B4GALT6: variants seen among roughly 807,000 people sequenced by gnomAD.
B4GALT6 encodes beta-1,4-galactosyltransferase 6, also known as UDP-Gal:beta-GlcNAc beta-1,4-galactosyltransferase 6.
A neutral mutation model predicts 46.3 loss-of-function variants in B4GALT6; 14 were observed. The ratio of observed to expected loss-of-function variants is 0.30; its 90% CI spans 0.20 to 0.47. B4GALT6 has a LOEUF of 0.47. Ranked by LOEUF, B4GALT6 falls within the 20% of genes least tolerant of loss-of-function variation. The probability of loss-of-function intolerance (pLI) is 0.99; values close to 1 mark genes in which losing one functional copy is unlikely to be tolerated. For missense variants in B4GALT6, 386 were observed against 480.1 expected (o/e 0.80, Z 1.83); for synonymous variants, 168 against 162.0 (o/e 1.04, Z -0.28).
the B4GALT6 span, among the ~76,000 whole-genome samples, chr18:31,716,829 G>A: frequency 6.6e-6 from 1 of 152,194 alleles, no homozygotes; most frequent in Non-Finnish European, 1.5e-5. Context: ...TAGGCCGGGT[G>A]CCACTCACGC....
the B4GALT6 span, among the ~76,000 whole-genome samples, chr18:31,702,687 A>G: frequency 4.6e-5 from 7 of 152,352 alleles, no homozygotes; most frequent in Admixed American, 1.3e-4. Flanking sequence ...AAGGAAAGGC[A>G]CAAATACCAT....
intron 2 of B4GALT6, 57 bp from the exon 3 acceptor site, chr18:31,658,146 T>G: frequency 2.5e-6 from 3 of 1,219,332 alleles, no homozygotes; most frequent in Non-Finnish European, 3.6e-6. Context: ...GCTTTCTCCC[T>G]GGAATGAAAT....
rs757685148 is a variant in B4GALT6 at position 31,625,048 on chromosome 18, C to T, written c.*566G>A. On this transcript the variant is annotated 3_prime_UTR_variant, in exon 9 of 9. Transcript: ENST00000306851. The stretch of plus-strand genomic sequence containing the variant: ...CCACACAAAAGGCTGAGGTCTAAAG[C>T]TCAAAACTAGTATAACAGTTTACTG... 5.2e-5 allele frequency: 8 copies of T among 152,604 alleles called. No homozygotes were observed. Among genetic ancestry groups the T allele is most frequent in the Admixed American group, 2.0e-4 (3 of 15,268 alleles). 9.5% of individuals were successfully genotyped at this position (152,604 alleles called of 1,614,324 possible). A position where few individuals can be genotyped will look rare whatever the true frequency, so the allele number is the denominator to read the frequency against.
the B4GALT6 span, among the ~76,000 whole-genome samples, chr18:31,695,803 C>T: frequency 6.6e-6 from 1 of 152,210 alleles, no homozygotes; most frequent in South Asian, 2.1e-4. Context: ...AGTGAGAAAA[C>T]TTTCACAGGC....
At chr18:31,664,598 A>C (rs2144677788) in intron 2 of B4GALT6, among the ~76,000 whole-genome samples, 1 of 150,480 alleles carries the variant, frequency 6.6e-6, no homozygotes, top group East Asian at 2.0e-4. Context: ...CATTCCTCCT[A>C]ATCAAGCTCA....
chr18:31,664,530 T>C (rs78524659), intron 2 of B4GALT6, among the ~76,000 whole-genome samples: 1 of 83,460 alleles, frequency 1.2e-5, no homozygotes, highest in Middle Eastern at 4.8e-3. Flanking sequence ...AGGATTTTCC[T>C]TTTTTTTTTT....
At chr18:31,682,042 T>G (rs903137246) in intron 1 of B4GALT6, among the ~76,000 whole-genome samples, 4 of 152,336 alleles carry the variant, frequency 2.6e-5, no homozygotes, top group Non-Finnish European at 5.9e-5. Flanking sequence ...CTTGTGCAAT[T>G]GATTGATTGC....
chr18:31,722,325 A>G, the B4GALT6 span, among the ~76,000 whole-genome samples: 4 of 152,204 alleles, frequency 2.6e-5, no homozygotes, highest in African/African-American at 7.2e-5. Context: ...ATTCTCTGGA[A>G]GAATACATAA....
chr18:31,707,487 G>C, the B4GALT6 span, among the ~76,000 whole-genome samples: 1 of 151,960 alleles, frequency 6.6e-6, no homozygotes, highest in Admixed American at 6.6e-5. Flanking sequence ...AGTGAATTTT[G>C]TTTTCTTTCC....
intron 1 of B4GALT6, among the ~76,000 whole-genome samples, chr18:31,671,842 T>C (rs1023684645): frequency 1.3e-5 from 2 of 152,228 alleles, no homozygotes; most frequent in Non-Finnish European, 2.9e-5. Context: ...TGACTCTGCA[T>C]TGTGAGACAT....
chr18:31,665,372 T>C (rs2074270631), intron 2 of B4GALT6, among the ~76,000 whole-genome samples: 1 of 152,184 alleles, frequency 6.6e-6, no homozygotes, highest in Non-Finnish European at 1.5e-5. Flanking sequence ...CATCATTAAA[T>C]TATTGGTTCA....
intron 1 of B4GALT6, among the ~76,000 whole-genome samples, chr18:31,675,974 C>G (rs887115274): frequency 6.6e-6 from 1 of 152,036 alleles, no homozygotes; most frequent in African/African-American, 2.4e-5. Flanking sequence ...GGAAAATGAG[C>G]CTAAAATGAG....
At chr18:31,719,181 C>T in the B4GALT6 span, 1 of 152,166 alleles carries the variant, frequency 6.6e-6, no homozygotes, top group African/African-American at 2.4e-5. Flanking sequence ...CTTTAAATTC[C>T]AATCGGTATA....
intron 1 of B4GALT6, among the ~76,000 whole-genome samples, chr18:31,666,878 G>C (rs979758342): frequency 6.6e-6 from 1 of 152,006 alleles, no homozygotes; most frequent in Non-Finnish European, 1.5e-5. Context: ...GGGTGATCTA[G>C]GATCAGTATC....
chr18:31,677,657 A>C (rs1463974223), intron 1 of B4GALT6, among the ~76,000 whole-genome samples: 1 of 152,226 alleles, frequency 6.6e-6, no homozygotes, highest in African/African-American at 2.4e-5. Context: ...TCCTGACAAA[A>C]GGCAGAATTT....
chr18:31,680,412 A>G (rs2074466813), intron 1 of B4GALT6, among the ~76,000 whole-genome samples: 1 of 152,094 alleles, frequency 6.6e-6, no homozygotes. Context: ...TAGACCCCAC[A>G]CTTTGACTAC....
At chr18:31,644,536 A>G (rs942781036) in intron 4 of B4GALT6, among the ~76,000 whole-genome samples, 1 of 152,202 alleles carries the variant, frequency 6.6e-6, no homozygotes, top group African/African-American at 2.4e-5. Flanking sequence ...TTATATCACA[A>G]TCCTTTAGGA....
intron 3 of B4GALT6, among the ~76,000 whole-genome samples, chr18:31,650,136 C>A (rs1330486955): frequency 1.3e-5 from 2 of 152,334 alleles, no homozygotes; most frequent in South Asian, 4.1e-4. Flanking sequence ...AGTCCCTCTT[C>A]AATTCCATGA....
At chr18:31,720,052 C>T in the B4GALT6 span, among the ~76,000 whole-genome samples, 1 of 152,186 alleles carries the variant, frequency 6.6e-6, no homozygotes, top group Non-Finnish European at 1.5e-5. Context: ...AGAAGGGGGT[C>T]TTTTCAGAAA....
Sources: gnomAD v4.1 joint callset for allele counts (sites outside exome capture counted in the v4.1 genomes callset) on GRCh38, gnomAD v4.1.1 for gene constraint, MANE v1.5 for transcripts, NCBI Gene and HGNC (gene_info 2026-07-23, HGNC 2026-07-21) for gene names.